Variants in LRP2BP observed in about 807,000 individuals in gnomAD.
The protein encoded by LRP2BP is LRP2 binding protein.
Under a neutral mutation model 45.2 loss-of-function variants are expected in LRP2BP, and 38 were observed. That is an observed-to-expected ratio of 0.84 (90% confidence interval 0.65 to 1.10). The LOEUF (loss-of-function observed/expected upper bound fraction) is 1.10. Ranked by LOEUF, LRP2BP falls within the 50% of genes least tolerant of loss-of-function variation. LRP2BP has a pLI of 0.00. For missense variants in LRP2BP, 385 were observed against 418.9 expected (o/e 0.92, Z 0.71); for synonymous variants, 153 against 153.9 (o/e 0.99, Z 0.04).
chr4:185,377,920 G>T, intron 2 of LRP2BP, 161 bp downstream of exon 2: 1 of 603,094 alleles, frequency 1.7e-6, no homozygotes. Flanking sequence ...CCAGATAAAT[G>T]AGCAATTTCA....
intron 2 of LRP2BP, 47 bp from the exon 3 acceptor site, chr4:185,377,065 T>G: frequency 4.0e-6 from 5 of 1,248,938 alleles, no homozygotes; most frequent in Non-Finnish European, 5.9e-6. Context: ...CAATATGAAT[T>G]TTCTCTCTTG....
rs2095498307 is a variant in LRP2BP, at chr4:185,395,090, C to T, written c.-333G>A. The stretch of plus-strand genomic sequence containing the variant: ...AGTCAGATATCCAGCTGAGATACAA[C>T]TTTTTTTTCTGAAAACAATGTGAGC... On this transcript the variant is annotated 5_prime_UTR_variant, in exon 1 of 9. Transcript: ENST00000505916. The T allele has an allele frequency of 2.0e-6, 2 of 983,228 alleles. No individual in the cohort carries two copies. Among genetic ancestry groups the T allele is most frequent in the East Asian group, 1.1e-4 (1 of 8,820 alleles). 60.9% of individuals were successfully genotyped at this position (983,228 alleles called of 1,614,324 possible).
chr4:185,394,597 C>CT (rs1237499319), intron 1 of LRP2BP, among the ~76,000 whole-genome samples, 182 bp downstream of exon 1: 1 of 152,318 alleles, frequency 6.6e-6, no homozygotes, highest in East Asian at 1.9e-4. Context: ...CGGCCTTTCT[C>CT]TATTTCACAT....
rs963458670 is a variant in LRP2BP, at chr4:185,395,444, T to C, written c.-687A>G. On this transcript the variant is annotated 5_prime_UTR_variant, in exon 1 of 9. Transcript: ENST00000505916. Reference sequence around the variant, plus strand: ...GTTTTAAAAAGCAGTGCTTATTGAATTGATAAACAAAAGCGAAACTGGCAA... The same window carrying C: ...GTTTTAAAAAGCAGTGCTTATTGAACTGATAAACAAAAGCGAAACTGGCAA... 2.2e-5 allele frequency: 22 copies of C among 985,328 alleles called. No homozygotes were observed. Among genetic ancestry groups the C allele is most frequent in the Non-Finnish European group, 2.5e-5 (21 of 829,922 alleles). 61.0% of individuals were successfully genotyped at this position (985,328 alleles called of 1,614,324 possible).
intron 1 of LRP2BP, among the ~76,000 whole-genome samples, chr4:185,385,569 C>A (rs1462614642): frequency 6.6e-6 from 1 of 152,126 alleles, no homozygotes; most frequent in East Asian, 1.9e-4. Context: ...TTGCTTGTCA[C>A]CCCACCTCCC....
chr4:185,376,334 G>T (rs2095437418), intron 3 of LRP2BP, among the ~76,000 whole-genome samples: 1 of 152,058 alleles, frequency 6.6e-6, no homozygotes, highest in Non-Finnish European at 1.5e-5. Context: ...CTGGAGTGCA[G>T]TGGCACGATC....
intron 7 of LRP2BP, 58 bp downstream of exon 7, chr4:185,372,797 TA>T: frequency 1.4e-6 from 2 of 1,391,598 alleles, no homozygotes; most frequent in Admixed American, 1.9e-5. Flanking sequence ...CTGTTTCTCA[TA>T]AATTACCTAG....
Position 185,395,596 on chromosome 4 carries a change from T to C in LRP2BP, c.-839A>G. 1 of 979,936 alleles carries C rather than the reference T, an allele frequency of 1.0e-6. No homozygotes were observed. The highest frequency in any genetic ancestry group is 1.2e-6 in the Non-Finnish European group (1 of 824,922). 60.7% of individuals were successfully genotyped at this position (979,936 alleles called of 1,614,324 possible). A position where few individuals can be genotyped will look rare whatever the true frequency, so the allele number is the denominator to read the frequency against. On this transcript the variant is annotated 5_prime_UTR_variant, in exon 1 of 9. In the 5' UTR this introduces an upstream ATG that the reference lacks. Transcript: ENST00000505916. ...TGTGGAATATAAGAACGATTCTATATATTTGAACACACATTTATATTCAAA... is the reference window on the plus strand; with the variant it reads ...TGTGGAATATAAGAACGATTCTATACATTTGAACACACATTTATATTCAAA...
At chr4:185,375,944 T>G (rs2095436008) in intron 3 of LRP2BP, among the ~76,000 whole-genome samples, 1 of 151,972 alleles carries the variant, frequency 6.6e-6, no homozygotes, top group Admixed American at 6.6e-5. Flanking sequence ...TCAGCAAACA[T>G]TTGTTGCCAG....
At chr4:185,396,029 C>A (rs926111577), upstream of LRP2BP, 7 of 461,334 alleles carry the variant, frequency 1.5e-5, no homozygotes, top group Admixed American at 6.4e-5. Context: ...ACAGCGGCTT[C>A]ACCAGCCCCG....
At position 185,377,208 on chromosome 4, in the gene LRP2BP, ACTGTGC is replaced by A. The variant is rs1579991111; in HGVS notation, c.107-196_107-191del. 3 of 570,328 alleles carry A rather than the reference ACTGTGC, an allele frequency of 5.3e-6. No individual in the cohort carries two copies. The East Asian group carries it at 8.8e-5, about 17-fold the overall frequency. 35.3% of individuals were successfully genotyped at this position (570,328 alleles called of 1,614,324 possible). On this transcript the variant is annotated intron_variant, in intron 2 of 8. Coordinates refer to ENST00000505916, the MANE Select transcript of LRP2BP (RefSeq NM_001377440.1). ...AAACGTCATGGTCACAGGCCCTAAC[ACTGTGC>A]CTTGTGTAATAAAGCAATACTGGCC... is the stretch of plus-strand genomic sequence containing the variant.
chr4:185,392,339 G>A (rs564736933), intron 1 of LRP2BP, among the ~76,000 whole-genome samples: 1 of 152,166 alleles, frequency 6.6e-6, no homozygotes, highest in Non-Finnish European at 1.5e-5. Flanking sequence ...ATCATCAAAA[G>A]AGGATAACTA....
rs2095383617 is a variant in LRP2BP at position 185,365,468 on chromosome 4, G to C, written c.*1712C>G. The C allele has an allele frequency of 1.3e-5, 2 of 151,826 alleles. No homozygotes were observed. Among genetic ancestry groups the C allele is most frequent in the Admixed American group, 6.6e-5 (1 of 15,234 alleles). The allele number at this position is 151,826 out of a possible 1,614,324, so 9.4% of individuals were successfully genotyped here. A position where few individuals can be genotyped will look rare whatever the true frequency, so the allele number is the denominator to read the frequency against. ...CCTCCTGGTTTCAAGCAGTTCTTCT[G>C]TCTCAGCCTCCCGAGTAGCTGGGAC... On this transcript the variant is annotated 3_prime_UTR_variant, in exon 9 of 9. Transcript: ENST00000505916.
chr4:185,375,490 A>ATATATATATATATG (rs1225245327), intron 4 of LRP2BP, 123 bp downstream of exon 4: 9 of 49,098 alleles, frequency 1.8e-4, no homozygotes, highest in African/African-American at 1.2e-3. Flanking sequence ...AAAAAAAAAT[A>ATATATATATATATG]TATATATATA....
chr4:185,379,481 ATACCT>A (rs1358503224), intron 1 of LRP2BP, among the ~76,000 whole-genome samples: 1 of 152,242 alleles, frequency 6.6e-6, no homozygotes, highest in Non-Finnish European at 1.5e-5. Flanking sequence ...TCAGAAAACA[ATACCT>A]TACTTTGTTT....
At chr4:185,393,185 C>G (rs1344492868) in intron 1 of LRP2BP, among the ~76,000 whole-genome samples, 1 of 152,214 alleles carries the variant, frequency 6.6e-6, no homozygotes, top group Non-Finnish European at 1.5e-5. Flanking sequence ...CCTGCCTCAG[C>G]CTCCCAAAGT....
At chr4:185,375,576 T>G in intron 4 of LRP2BP, 37 bp downstream of exon 4, 15 of 1,102,632 alleles carry the variant, frequency 1.4e-5, no homozygotes, top group Non-Finnish European at 1.7e-5. Flanking sequence ...CCACTGACAA[T>G]GAAATCTTAA....
intron 1 of LRP2BP, among the ~76,000 whole-genome samples, chr4:185,387,783 G>T (rs1374167425): frequency 6.6e-6 from 1 of 152,198 alleles, no homozygotes; most frequent in South Asian, 2.1e-4. Context: ...TCTTGCAGAG[G>T]TGGGCAGCGT....
intron 1 of LRP2BP, among the ~76,000 whole-genome samples, chr4:185,383,020 T>C (rs1238827644): frequency 6.6e-6 from 1 of 152,248 alleles, no homozygotes; most frequent in African/African-American, 2.4e-5. Context: ...ATCAGTTCTT[T>C]TGCATGTGGA....
Sources: allele counts gnomAD v4.1 joint callset (sites outside exome capture counted in the v4.1 genomes callset), GRCh38; gene constraint gnomAD v4.1.1; transcripts MANE v1.5; gene names NCBI Gene and HGNC (gene_info 2026-07-23, HGNC 2026-07-21).